DIP2C: variants seen among roughly 807,000 people sequenced by gnomAD.
The protein encoded by DIP2C is disco-interacting protein 2 homolog C.
In DIP2C, 33 loss-of-function variants were observed where a neutral mutation model predicts 192.4. That is an observed-to-expected ratio of 0.17 (90% CI 0.13 to 0.23). The LOEUF is 0.23. DIP2C is among the 10% of genes least tolerant of loss of function. The probability of loss-of-function intolerance (pLI) is 1.00; values close to 1 mark genes in which losing one functional copy is unlikely to be tolerated. For missense variants in DIP2C, 1,537 were observed against 2,110.1 expected (o/e 0.73, Z 5.32); for synonymous variants, 979 against 864.1 (o/e 1.13, Z -2.33).
intron 1 of DIP2C, among the ~76,000 whole-genome samples, chr10:583,442 A>T (rs894199575): frequency 6.6e-6 from 1 of 152,266 alleles, no homozygotes; most frequent in African/African-American, 2.4e-5. Context: ...GAAGGTTCAC[A>T]GTAACATCCC....
intron 14 of DIP2C, among the ~76,000 whole-genome samples, 163 bp from the exon 15 acceptor site, chr10:384,802 CTGGCAGGGA>C (rs1224584248): frequency 2.0e-5 from 3 of 148,752 alleles, no homozygotes; most frequent in Non-Finnish European, 4.5e-5. Context: ...CAGGGTGGGG[CTGGCAGGGA>C]TGGCAAATAC....
intron 17 of DIP2C, among the ~76,000 whole-genome samples, chr10:379,956 TGCA>T (rs1166770221): frequency 6.9e-6 from 1 of 143,930 alleles, no homozygotes; most frequent in Non-Finnish European, 1.5e-5. Context: ...ATGGTTAACG[TGCA>T]GAAGAGGATG....
At chr10:424,391 A>T (rs1234240018) in intron 4 of DIP2C, among the ~76,000 whole-genome samples, 4 of 109,190 alleles carry the variant, frequency 3.7e-5, no homozygotes, top group African/African-American at 1.5e-4. Flanking sequence ...TTTGAGACAG[A>T]GTCTTCCTCT....
chr10:283,318 G>A lies in DIP2C; in HGVS notation c.4248C>T (p.Gly1416=). The stretch of plus-strand genomic sequence containing the variant: ...CAGTTCTCCGCAGGAACCCCAAGTA[G>A]CCTGTGCGTGCCCAGATGGTCTGGG... ...GDTQTIWART[G]YLGFLRRTEL... Residue 1416 remains glycine (G), a synonymous_variant, in exon 35 of 37, where the codon GGC becomes GGT. Transcript: ENST00000280886. 6.2e-7 allele frequency: 1 copy of A among 1,614,042 alleles called. No homozygotes were observed. Among genetic ancestry groups the A allele is most frequent in the South Asian group, 1.1e-5 (1 of 91,068 alleles).
chr10:362,514 G>T lies in DIP2C; in HGVS notation c.2770C>A (p.Pro924Thr). ...MCPHTCVTNL[P>T]KPRQKQPEIG... ...CCTGGCTGCTTCTGTCGAGGCTTAGGCAAGTTTGTGACGCAGGTGTGGGGG... is the reference window on the plus strand; with the variant it reads ...CCTGGCTGCTTCTGTCGAGGCTTAGTCAAGTTTGTGACGCAGGTGTGGGGG... The change falls in exon 22 of 37, where the codon CCT becomes ACT. Residue 924 changes from proline (P) to threonine (T), a missense_variant. By Grantham distance (38) the Pro-to-Thr change is conservative. Around this residue, in one of 4 missense-constraint regions of DIP2C, gnomAD observed 677 missense variants for 989.9 expected, o/e 0.68. Coordinates refer to ENST00000280886, the MANE Select transcript of DIP2C (RefSeq NM_014974.3). 1.2e-6 allele frequency: 2 copies of T among 1,613,906 alleles called. No individual in the cohort carries two copies. The highest frequency in any genetic ancestry group is 2.2e-5 in the East Asian group (1 of 44,872).
intron 1 of DIP2C, among the ~76,000 whole-genome samples, chr10:568,241 T>C (rs1288626864): frequency 6.6e-6 from 1 of 151,914 alleles, no homozygotes; most frequent in East Asian, 1.9e-4. Context: ...CTCACATCAA[T>C]CCCCGTGCAG....
intron 3 of DIP2C, among the ~76,000 whole-genome samples, chr10:464,865 T>C (rs1022080434): frequency 6.6e-6 from 1 of 151,512 alleles, no homozygotes; most frequent in African/African-American, 2.4e-5. Context: ...AATAGACCAA[T>C]AACAGGATCT....
chr10:472,429 C>T lies in DIP2C; in HGVS notation c.268+10G>A. On this transcript the variant is annotated intron_variant, in intron 3 of 36. Transcript: ENST00000280886. Reference sequence around the variant, plus strand: ...GATGGACGTATTGTATCACCCCACCCCGTGCTTACCTGACCGATAGCGCTC... The same window carrying T: ...GATGGACGTATTGTATCACCCCACCTCGTGCTTACCTGACCGATAGCGCTC... 6.2e-7 allele frequency: 1 copy of T among 1,612,482 alleles called. No individual in the cohort carries two copies. The highest frequency in any genetic ancestry group is 8.5e-7 in the Non-Finnish European group (1 of 1,178,730).
chr10:330,664 T>C (rs944982278), intron 29 of DIP2C, among the ~76,000 whole-genome samples: 3 of 151,334 alleles, frequency 2.0e-5, no homozygotes, highest in African/African-American at 7.3e-5. Context: ...TTTTTTTTTT[T>C]CAGTGGTAGG....
intron 5 of DIP2C, among the ~76,000 whole-genome samples, chr10:422,398 G>A (rs1211365278): frequency 6.6e-6 from 1 of 152,122 alleles, no homozygotes; most frequent in African/African-American, 2.4e-5. Flanking sequence ...CCTACACAAA[G>A]CAGTGTGCCG....
chr10:596,815 C>T (rs1248658383), intron 1 of DIP2C, among the ~76,000 whole-genome samples: 6 of 152,200 alleles, frequency 3.9e-5, no homozygotes, highest in Non-Finnish European at 2.9e-5. Context: ...TGGTGGGGAG[C>T]CTGTCATCAC....
intron 1 of DIP2C, among the ~76,000 whole-genome samples, chr10:495,014 C>T (rs1380847949): frequency 2.0e-5 from 3 of 152,222 alleles, no homozygotes; most frequent in Non-Finnish European, 4.4e-5. Context: ...ACAGAGAAAT[C>T]ATGGTGTATG....
At chr10:618,262 G>A (rs550920540) in intron 1 of DIP2C, among the ~76,000 whole-genome samples, 1 of 152,324 alleles carries the variant, frequency 6.6e-6, no homozygotes, top group South Asian at 2.1e-4. Context: ...GAATCTCTAA[G>A]AAACAGGTTT....
chr10:619,484 C>T (rs971955675), intron 1 of DIP2C, among the ~76,000 whole-genome samples: 8 of 151,596 alleles, frequency 5.3e-5, no homozygotes, highest in East Asian at 3.9e-4. Context: ...AACAGGAAGA[C>T]GCAGAATATC....
At chr10:597,289 A>AG (rs1480601503) in intron 1 of DIP2C, among the ~76,000 whole-genome samples, 6 of 152,200 alleles carry the variant, frequency 3.9e-5, no homozygotes, top group Non-Finnish European at 8.8e-5. Flanking sequence ...TCCAGGTTGC[A>AG]GGCAGTGGGT....
At chr10:587,555 T>TA (rs1244605599) in intron 1 of DIP2C, among the ~76,000 whole-genome samples, 1 of 152,068 alleles carries the variant, frequency 6.6e-6, no homozygotes, top group African/African-American at 2.4e-5. Context: ...CATTGATCAA[T>TA]AACAAGTCGC....
In DIP2C at chr10:423,811, G is replaced by A. The variant is rs1037873108; in HGVS notation, c.395-778C>T. Reference sequence around the variant, plus strand: ...AGAGAAAGCAGAACGTGCCTCACGCGGAGCAGCCCCTCCACCTCCCCGTTT... The same window carrying A: ...AGAGAAAGCAGAACGTGCCTCACGCAGAGCAGCCCCTCCACCTCCCCGTTT... On this transcript the variant is annotated intron_variant, in intron 4 of 36. Transcript: ENST00000280886. 5.3e-5 allele frequency among the ~76,000 whole-genome samples: 8 copies of A among 152,312 alleles called. No homozygotes were observed. In the East Asian group the frequency reaches 7.7e-4, roughly 15 times the overall value.
chr10:346,279 C>T (rs1353700944), intron 26 of DIP2C, among the ~76,000 whole-genome samples: 1 of 61,520 alleles, frequency 1.6e-5, no homozygotes, highest in African/African-American at 7.9e-5. Context: ...AACCCAGACA[C>T]ATCGCGCATA....
intron 1 of DIP2C, among the ~76,000 whole-genome samples, chr10:558,062 T>C (rs1226228681): frequency 1.3e-5 from 2 of 152,116 alleles, no homozygotes; most frequent in Non-Finnish European, 2.9e-5. Flanking sequence ...AGCAACAGCA[T>C]CTTCAGATTA....
Sources: allele counts gnomAD v4.1 joint callset (sites outside exome capture counted in the v4.1 genomes callset), GRCh38; gene constraint gnomAD v4.1.1; regional missense constraint gnomAD v4.1.1; transcripts MANE v1.5; gene names NCBI Gene and HGNC (gene_info 2026-07-23, HGNC 2026-07-21).